The following SLC25A24 variants were observed in gnomAD, a reference collection of about 807,000 sequenced individuals.
SLC25A24 encodes the protein solute carrier family 25 member 24.
A neutral mutation model predicts 60.7 loss-of-function variants in SLC25A24; 49 were observed. The observed-to-expected ratio is 0.81, with a 90% confidence interval of 0.64 to 1.02. SLC25A24 has a LOEUF of 1.02. Ranked by LOEUF, SLC25A24 falls within the 50% of genes least tolerant of loss-of-function variation. The pLI is 0.00. For missense variants in SLC25A24, 564 were observed against 586.3 expected, an observed-to-expected ratio of 0.96 and a Z score of 0.39; for synonymous variants, 202 against 200.6, an observed-to-expected ratio of 1.01 and a Z score of -0.06.
At chr1:108,193,460 G>A (rs148191414) in intron 1 of SLC25A24, among the ~76,000 whole-genome samples, 24 of 139,526 alleles carry the variant, frequency 1.7e-4, no homozygotes, top group African/African-American at 5.5e-4. Context: ...ACAATAATTC[G>A]TTTAAGTTAT....
chr1:108,151,757 T>C (rs568989347), intron 6 of SLC25A24, among the ~76,000 whole-genome samples: 1 of 152,346 alleles, frequency 6.6e-6, no homozygotes, highest in African/African-American at 2.4e-5. Flanking sequence ...CCCAATTGCT[T>C]ACTGGACAGC....
intron 1 of SLC25A24, among the ~76,000 whole-genome samples, chr1:108,189,458 C>A (rs1648264444): frequency 6.6e-6 from 1 of 152,212 alleles, no homozygotes; most frequent in Non-Finnish European, 1.5e-5. Flanking sequence ...AGCATATCCA[C>A]ACTATAGATG....
intron 1 of SLC25A24, chr1:108,199,595 G>C (rs563508135): frequency 4.6e-5 from 18 of 390,528 alleles, no homozygotes; most frequent in African/African-American, 3.7e-4. Flanking sequence ...ACCCACTGAA[G>C]TCTGACAGCT....
chr1:108,195,443 A>T (rs1251369254), intron 1 of SLC25A24, among the ~76,000 whole-genome samples: 1 of 152,214 alleles, frequency 6.6e-6, no homozygotes, highest in Non-Finnish European at 1.5e-5. Context: ...TTACTAAAGA[A>T]TTCTTCCATT....
intron 1 of SLC25A24, among the ~76,000 whole-genome samples, chr1:108,187,903 A>C (rs1648188938): frequency 1.4e-5 from 1 of 69,062 alleles, no homozygotes; most frequent in African/African-American, 5.9e-5. Context: ...ATCTCATAAT[A>C]CACGAAATGG....
At position 108,162,044 on chromosome 1, in the gene SLC25A24, G is replaced by A. The variant is rs901070883; in HGVS notation, c.399-751C>T. On this transcript the variant is annotated intron_variant, in intron 3 of 9. Transcript: ENST00000565488. ...TCCCACCTATGAGTGAGAATATGCGGTGTTTGGTTTTTTGTTCTTGTGATA... is the reference window on the plus strand; with the variant it reads ...TCCCACCTATGAGTGAGAATATGCGATGTTTGGTTTTTTGTTCTTGTGATA... Among the ~76,000 whole-genome samples the A allele has an allele frequency of 2.7e-5, 4 of 150,416 alleles. No homozygotes were observed. The South Asian group carries it at 6.3e-4, about 24-fold the overall frequency.
intron 1 of SLC25A24, among the ~76,000 whole-genome samples, chr1:108,187,780 G>T (rs907487092): frequency 5.3e-5 from 8 of 151,386 alleles, no homozygotes; most frequent in Non-Finnish European, 1.0e-4. Context: ...TATGAGGCGG[G>T]TATACACTTG....
At chr1:108,163,754 T>C (rs544693694) in intron 3 of SLC25A24, among the ~76,000 whole-genome samples, 261 of 151,928 alleles carry the variant, frequency 1.7e-3, no homozygotes, top group African/African-American at 6.1e-3. Context: ...CAATTTGACT[T>C]CCTCTTTTCC....
chr1:108,142,059 G>A (rs1335091428), intron 8 of SLC25A24, among the ~76,000 whole-genome samples: 8 of 152,090 alleles, frequency 5.3e-5, no homozygotes, highest in Non-Finnish European at 2.9e-5. Flanking sequence ...GTAAAGTCCT[G>A]AACCATACCA....
intron 3 of SLC25A24, among the ~76,000 whole-genome samples, chr1:108,180,026 G>A (rs1374015147): frequency 1.3e-5 from 2 of 152,068 alleles, no homozygotes; most frequent in African/African-American, 4.8e-5. Context: ...TCACTGAATT[G>A]TATACTTTAG....
intron 1 of SLC25A24, chr1:108,198,757 G>C (rs188369565): frequency 1.3e-5 from 2 of 152,310 alleles, no homozygotes; most frequent in Admixed American, 6.5e-5. Context: ...GGCACCTACT[G>C]TGAGGAACAC....
At position 108,196,258 on chromosome 1, in the gene SLC25A24, T is replaced by C. The variant is rs921383190; in HGVS notation, c.183+3698A>G. 2.6e-5 allele frequency among the ~76,000 whole-genome samples: 4 copies of C among 152,304 alleles called. No individual in the cohort carries two copies. The East Asian group carries it at 7.7e-4, about 29-fold the overall frequency. Reference sequence around the variant, plus strand: ...TACCAGTCCACCCACTCCTCTAACATTGGGTGATCATTCAGCATACACTTC... The same window carrying C: ...TACCAGTCCACCCACTCCTCTAACACTGGGTGATCATTCAGCATACACTTC... On this transcript the variant is annotated intron_variant, in intron 1 of 9. Transcript: ENST00000565488.
intron 4 of SLC25A24, 29 bp from the exon 5 acceptor site, chr1:108,157,649 C>A (rs759715378): frequency 8.8e-6 from 14 of 1,596,884 alleles, no homozygotes; most frequent in Middle Eastern, 1.7e-4. Flanking sequence ...GATCCCCATG[C>A]GCCTTAGTTA....
intron 3 of SLC25A24, among the ~76,000 whole-genome samples, chr1:108,181,187 A>G (rs646578): frequency 0.21 from 32,619 of 152,122 alleles, 3,639 homozygotes; most frequent in African/African-American, 0.23. Flanking sequence ...TGAAAATGCT[A>G]TTGGCACAGA....
intron 8 of SLC25A24, 92 bp from the exon 9 acceptor site, chr1:108,139,300 C>T (rs1679379353): frequency 5.3e-6 from 7 of 1,314,156 alleles, no homozygotes; most frequent in East Asian, 4.9e-5. Flanking sequence ...TGAGAAGCCC[C>T]GTTTCTGCAG....
At position 108,136,983 on chromosome 1, in the gene SLC25A24, G is replaced by C. The variant is rs910734681; in HGVS notation, c.1250-146C>G. On this transcript the variant is annotated intron_variant, in intron 9 of 9. Transcript: ENST00000565488. ...AAGCCCAAGACAACATCCCTTTTAT[G>C]ATCCTCTTTGTATAGCACCTAACAG... The C allele has an allele frequency of 6.8e-6, 5 of 735,512 alleles. No homozygotes were observed. The African/African-American group carries it at 8.9e-5, about 13-fold the overall frequency. 45.6% of individuals were successfully genotyped at this position (735,512 alleles called of 1,614,324 possible). A position where few individuals can be genotyped will look rare whatever the true frequency, so the allele number is the denominator to read the frequency against.
At chr1:108,164,773 G>A (rs1371817714) in intron 3 of SLC25A24, among the ~76,000 whole-genome samples, 8 of 72,446 alleles carry the variant, frequency 1.1e-4, no homozygotes, top group Non-Finnish European at 2.0e-4. Flanking sequence ...TTTTTGAAGG[G>A]TTTTTTGTCT....
intron 3 of SLC25A24, among the ~76,000 whole-genome samples, chr1:108,181,316 T>C (rs1300293716): frequency 6.6e-6 from 1 of 152,176 alleles, no homozygotes; most frequent in East Asian, 1.9e-4. Context: ...TTTTACGTTA[T>C]CATAAAAAAT....
intron 3 of SLC25A24, among the ~76,000 whole-genome samples, chr1:108,180,364 CAA>C (rs765312801): frequency 6.8e-5 from 9 of 132,096 alleles, no homozygotes; most frequent in Non-Finnish European, 8.2e-5. Context: ...GACTCCATCT[CAA>C]AAAAAAAAAA....
Sources: allele counts gnomAD v4.1 joint callset (sites outside exome capture counted in the v4.1 genomes callset), GRCh38; gene constraint gnomAD v4.1.1; transcripts MANE v1.5; gene names NCBI Gene and HGNC (gene_info 2026-07-23, HGNC 2026-07-21).